The following TNFRSF21 variants were observed in gnomAD, a reference collection of about 807,000 sequenced individuals.
The protein encoded by TNFRSF21 is TNF receptor superfamily member 21, also known as tumor necrosis factor receptor superfamily member 21.
In TNFRSF21, 19 loss-of-function variants were observed where a neutral mutation model predicts 45.6. The ratio of observed to expected loss-of-function variants is 0.42; its 90% confidence interval spans 0.29 to 0.61. The LOEUF (loss-of-function observed/expected upper bound fraction) is 0.61. Ranked by LOEUF, TNFRSF21 falls within the 20% of genes least tolerant of loss-of-function variation. The pLI is 0.23. For synonymous variants in TNFRSF21, 314 were observed against 335.5 expected, an observed-to-expected ratio of 0.94 and a Z score of 0.70; for missense variants, 737 against 851.5, an observed-to-expected ratio of 0.87 and a Z score of 1.67.
rs747176441 is a variant in TNFRSF21 at position 47,253,259 on chromosome 6, G to A, written c.1506C>T (p.Thr502=). Residue 502 remains threonine, a synonymous_variant, in exon 4 of 6, where the codon ACC becomes ACT. Coordinates refer to ENST00000296861, the MANE Select transcript of TNFRSF21 (RefSeq NM_014452.5). ...CACACAACAAGGGCTCCATTACCTG[G>A]GTGGTGTCTTCCATCAGCCCACGAA... is the stretch of plus-strand genomic sequence containing the variant. ...EKIRGLMEDT[T]QLETDKLALP... is the part of the protein sequence containing the mutation. 1.2e-6 allele frequency: 2 copies of A among 1,612,242 alleles called. No individual in the cohort carries two copies. The highest frequency in any genetic ancestry group is 2.2e-5 in the East Asian group (1 of 44,866).
intron 1 of TNFRSF21, among the ~76,000 whole-genome samples, chr6:47,306,912 G>A (rs1762948637): frequency 6.6e-6 from 1 of 152,182 alleles, no homozygotes; most frequent in Non-Finnish European, 1.5e-5. Context: ...TGAGTACCCT[G>A]CCACGTGTAC....
chr6:47,306,820 A>G (rs935270614), intron 1 of TNFRSF21, among the ~76,000 whole-genome samples: 1 of 152,134 alleles, frequency 6.6e-6, no homozygotes, highest in Non-Finnish European at 1.5e-5. Flanking sequence ...TAAATAGAAC[A>G]TTTTACTGGG....
At chr6:47,236,153 C>G (rs1041932437) in intron 4 of TNFRSF21, among the ~76,000 whole-genome samples, 1 of 152,206 alleles carries the variant, frequency 6.6e-6, no homozygotes, top group Non-Finnish European at 1.5e-5. Flanking sequence ...TCAACTCAGG[C>G]CTGCTTGACA....
At chr6:47,242,727 AT>A (rs1002111459) in intron 4 of TNFRSF21, among the ~76,000 whole-genome samples, 1 of 152,178 alleles carries the variant, frequency 6.6e-6, no homozygotes, top group Non-Finnish European at 1.5e-5. Context: ...TGACTCACTG[AT>A]TAGCTTTCTC....
rs376468803 is a variant in TNFRSF21 at position 47,289,335 on chromosome 6, A to C, written c.97-2740T>G. 1.2e-4 allele frequency among the ~76,000 whole-genome samples: 19 copies of C among 152,306 alleles called. 1 individual carries two copies. The South Asian group carries it at 3.1e-3, about 25-fold the overall frequency. ...TTCTCTCCTACCCCAAAATTTAACT[A>C]TTTGAATCAAAAGTATTTCCCTGAA... On this transcript the variant is annotated intron_variant, in intron 1 of 5. Transcript: ENST00000296861.
chr6:47,253,129 T>C (rs1764925304), intron 4 of TNFRSF21, 127 bp downstream of exon 4: 11 of 1,107,358 alleles, frequency 9.9e-6, no homozygotes, highest in East Asian at 5.7e-5. Context: ...TGCAGGCGTA[T>C]GCGTGTGTGT....
chr6:47,287,506 A>G (rs2113865289), intron 1 of TNFRSF21, among the ~76,000 whole-genome samples: 1 of 152,150 alleles, frequency 6.6e-6, no homozygotes, highest in African/African-American at 2.4e-5. Flanking sequence ...TACTCTTTCT[A>G]TTTAAGAATT....
chr6:47,234,933 G>GA (rs111550863), intron 4 of TNFRSF21, 35 bp from the exon 5 acceptor site: 82,638 of 1,097,236 alleles, frequency 0.075, 2,124 homozygotes, highest in South Asian at 0.14. Flanking sequence ...ATTATATATA[G>GA]AAAAAAAAAC....
chr6:47,267,442 TC>T (rs937337899), intron 3 of TNFRSF21, among the ~76,000 whole-genome samples: 1 of 152,154 alleles, frequency 6.6e-6, no homozygotes, highest in African/African-American at 2.4e-5. Flanking sequence ...TACTGGTCAA[TC>T]TTTAAGGCAT....
intron 1 of TNFRSF21, among the ~76,000 whole-genome samples, chr6:47,296,964 G>A (rs1469637861): frequency 6.6e-6 from 1 of 152,218 alleles, no homozygotes; most frequent in East Asian, 1.9e-4. Flanking sequence ...AGGGGTTGTG[G>A]GAACCTTGAT....
At position 47,284,118 on chromosome 6, in the gene TNFRSF21, C is replaced by A. The variant is rs1051950382; in HGVS notation, c.1063G>T (p.Val355Leu). The change falls in exon 3 of 6, where the codon GTG (valine) becomes TTG (leucine). Residue 355 changes from valine (V) to leucine (L), a missense_variant. Transcript: ENST00000296861. Reference sequence around the variant, plus strand: ...ACAAGCACCAGCAGCAGGAAAAGCACAATCATCCAGGGCAAATGCTCATTG... The same window carrying A: ...ACAAGCACCAGCAGCAGGAAAAGCAAAATCATCCAGGGCAAATGCTCATTG... ...DINEHLPWMI[V>L]LFLLLVLVVI... 1.9e-6 allele frequency: 3 copies of A among 1,614,096 alleles called. No homozygotes were observed. Among genetic ancestry groups the A allele is most frequent in the African/African-American group, 2.7e-5 (2 of 74,930 alleles).
At chr6:47,305,201 T>C (rs1199397325) in intron 1 of TNFRSF21, among the ~76,000 whole-genome samples, 3 of 152,206 alleles carry the variant, frequency 2.0e-5, no homozygotes, top group Non-Finnish European at 4.4e-5. Context: ...TCATTTTATA[T>C]ACCATACGAA....
chr6:47,266,301 G>A (rs1762332386), intron 3 of TNFRSF21, among the ~76,000 whole-genome samples: 1 of 152,130 alleles, frequency 6.6e-6, no homozygotes, highest in African/African-American at 2.4e-5. Flanking sequence ...GGGAAGGAAG[G>A]AAACATTTTT....
Position 47,253,331 on chromosome 6 carries a change from T to A in TNFRSF21, c.1434A>T (p.Leu478=). ...IRGPEASLAQ[L]ISALRQHRRN... is the part of the protein sequence containing the mutation. ...TCCGGTGCTGGCGCAGGGCGCTAAT[T>A]AGCTGGGCGAGGCTGGCCTCGGGGC... The change falls in exon 4 of 6, where the codon CTA becomes CTT. Residue 478 remains leucine, a synonymous_variant. Coordinates refer to ENST00000296861, the MANE Select transcript of TNFRSF21 (RefSeq NM_014452.5). 1 of 1,614,008 alleles carries A rather than the reference T, an allele frequency of 6.2e-7. No individual in the cohort carries two copies. The highest frequency in any genetic ancestry group is 8.5e-7 in the Non-Finnish European group (1 of 1,179,972).
chr6:47,309,843 A>C lies in TNFRSF21; in HGVS notation c.-332T>G. 1 of 235,048 alleles carries C rather than the reference A, an allele frequency of 4.3e-6. No homozygotes were observed. Among genetic ancestry groups the C allele is most frequent in the Non-Finnish European group, 8.2e-6 (1 of 121,888 alleles). 14.6% of individuals were successfully genotyped at this position (235,048 alleles called of 1,614,324 possible). A position where few individuals can be genotyped will look rare whatever the true frequency, so the allele number is the denominator to read the frequency against. ...AGAGAGCAAAGGAACGACTTCCCAT[A>C]GCGAAGCTTCCAGCCACTGCCAACC... On this transcript the variant is annotated 5_prime_UTR_variant, in exon 1 of 6. Transcript: ENST00000296861.
At chr6:47,263,575 T>C (rs1217107283) in intron 3 of TNFRSF21, among the ~76,000 whole-genome samples, 1 of 151,848 alleles carries the variant, frequency 6.6e-6, no homozygotes, top group East Asian at 1.9e-4. Flanking sequence ...CAGGACAATG[T>C]GGTATTTTGG....
At position 47,233,064 on chromosome 6, in the gene TNFRSF21, G is replaced by A. The variant is rs75683115; in HGVS notation, c.1739-70C>T. 4.9e-4 allele frequency: 710 copies of A among 1,436,608 alleles called. 3 individuals carry two copies. The African/African-American group carries it at 8.9e-3, about 18-fold the overall frequency. The allele number at this position is 1,436,608 out of a possible 1,614,324, so 89.0% of individuals were successfully genotyped here. A position where few individuals can be genotyped will look rare whatever the true frequency, so the allele number is the denominator to read the frequency against. On this transcript the variant is annotated intron_variant, in intron 5 of 5. Coordinates refer to ENST00000296861, the MANE Select transcript of TNFRSF21 (RefSeq NM_014452.5). ...ACTGGCAAGGCCTGGAGGAAGGAGA[G>A]CAGGGTCCTAGAGAGAGAGACATCT...
intron 1 of TNFRSF21, among the ~76,000 whole-genome samples, chr6:47,288,822 C>T (rs182909203): frequency 2.0e-4 from 31 of 152,260 alleles, no homozygotes; most frequent in Non-Finnish European, 3.7e-4. Context: ...AGAGGCGGGC[C>T]CTTGGCATTT....
chr6:47,309,524 G>T lies in TNFRSF21; in HGVS notation c.-13C>A. 1 of 1,430,736 alleles carries T rather than the reference G, an allele frequency of 7.0e-7. No individual in the cohort carries two copies. Among genetic ancestry groups the T allele is most frequent in the Non-Finnish European group, 9.1e-7 (1 of 1,099,482 alleles). 88.6% of individuals were successfully genotyped at this position (1,430,736 alleles called of 1,614,324 possible). On this transcript the variant is annotated 5_prime_UTR_variant, in exon 1 of 6. Coordinates refer to ENST00000296861, the MANE Select transcript of TNFRSF21 (RefSeq NM_014452.5). ...GAGAGGTCCCCATGGCTGAACCGGGGACTCGCAGGGGCGCCCGGGGCGCGC... is the reference window on the plus strand; with the variant it reads ...GAGAGGTCCCCATGGCTGAACCGGGTACTCGCAGGGGCGCCCGGGGCGCGC...
Sources: allele counts gnomAD v4.1 joint callset (sites outside exome capture counted in the v4.1 genomes callset), GRCh38; gene constraint gnomAD v4.1.1; transcripts MANE v1.5; gene names NCBI Gene and HGNC (gene_info 2026-07-23, HGNC 2026-07-21).